EIF4ENIF1: variants seen among roughly 807,000 people sequenced by gnomAD.
The protein encoded by EIF4ENIF1 is eukaryotic translation initiation factor 4E nuclear import factor 1.
In EIF4ENIF1, 23 loss-of-function variants were observed where a neutral mutation model predicts 110.5. That is an observed-to-expected ratio of 0.21 (90% CI 0.15 to 0.29). EIF4ENIF1 has a LOEUF of 0.29. Among genes scored for constraint, EIF4ENIF1 ranks in the 10% least tolerant of loss-of-function variants. The probability of loss-of-function intolerance (pLI) is 1.00; values close to 1 mark genes in which losing one functional copy is unlikely to be tolerated. For missense variants in EIF4ENIF1, 1,031 were observed against 1,221.1 expected (o/e 0.84, Z 2.32); for synonymous variants, 440 against 437.0 (o/e 1.01, Z -0.09).
At chr22:31,477,446 T>C (rs1355527652) in intron 2 of EIF4ENIF1, among the ~76,000 whole-genome samples, 2 of 152,118 alleles carry the variant, frequency 1.3e-5, no homozygotes, top group African/African-American at 2.4e-5. Flanking sequence ...AATATAATCT[T>C]TCCTCTTAGA....
chr22:31,479,693 T>G (rs1220499627), intron 2 of EIF4ENIF1, among the ~76,000 whole-genome samples: 2 of 151,576 alleles, frequency 1.3e-5, no homozygotes, highest in East Asian at 1.9e-4. Context: ...AGGTGTTTTT[T>G]TTTTTTTTTT....
At chr22:31,469,094 T>C (rs1164756453) in intron 3 of EIF4ENIF1, among the ~76,000 whole-genome samples, 1 of 152,174 alleles carries the variant, frequency 6.6e-6, no homozygotes, top group Non-Finnish European at 1.5e-5. Flanking sequence ...CGACCTAAAA[T>C]GTGTAGTTTA....
intron 8 of EIF4ENIF1, 54 bp downstream of exon 8, chr22:31,455,798 T>C (rs2050795684): frequency 6.2e-7 from 1 of 1,607,950 alleles, no homozygotes; most frequent in African/African-American, 1.3e-5. Flanking sequence ...AAATGAACCA[T>C]ATCAGGGAAA....
At chr22:31,467,638 G>T (rs1601616422) in intron 4 of EIF4ENIF1, among the ~76,000 whole-genome samples, 1 of 151,942 alleles carries the variant, frequency 6.6e-6, no homozygotes, top group African/African-American at 2.4e-5. Context: ...GCCTGGCCAA[G>T]ATGGTGAAAC....
At chr22:31,456,247 A>G (rs538111271) in intron 7 of EIF4ENIF1, among the ~76,000 whole-genome samples, 11 of 141,738 alleles carry the variant, frequency 7.8e-5, no homozygotes, top group East Asian at 2.0e-4. Context: ...TTTTTGAGAC[A>G]GAGTCTCGCT....
chr22:31,456,348 T>TG (rs1263867628), intron 7 of EIF4ENIF1, among the ~76,000 whole-genome samples: 1 of 150,600 alleles, frequency 6.6e-6, no homozygotes, highest in African/African-American at 2.4e-5. Flanking sequence ...CTCAGCCTCC[T>TG]GAGTAGCTGG....
chr22:31,448,942 T>C (rs998197667), intron 12 of EIF4ENIF1, among the ~76,000 whole-genome samples: 1 of 152,150 alleles, frequency 6.6e-6, no homozygotes, highest in African/African-American at 2.4e-5. Context: ...AAAAAATCTA[T>C]AACATGAACA....
At chr22:31,449,767 A>G (rs1322615467) in intron 11 of EIF4ENIF1, among the ~76,000 whole-genome samples, 7 of 147,328 alleles carry the variant, frequency 4.8e-5, no homozygotes, top group East Asian at 3.9e-4. Context: ...GTCTCACTCT[A>G]TCACCCAGGC....
chr22:31,448,240 G>A lies in EIF4ENIF1; in HGVS notation c.1769-8C>T, dbSNP rs749771750. The A allele has an allele frequency of 2.5e-6, 4 of 1,613,922 alleles. No individual in the cohort carries two copies. The highest frequency in any genetic ancestry group is 3.3e-5 in the Admixed American group (2 of 60,000). On this transcript the variant is annotated splice_polypyrimidine_tract_variant and splice_region_variant and intron_variant, in intron 12 of 18. Coordinates refer to ENST00000330125, the MANE Select transcript of EIF4ENIF1 (RefSeq NM_019843.4). ...GTGGTCCTGGTGTGAAACCTGTCGG[G>A]AAAGTTAGTCTCAGTGAGTACCAAG... is the stretch of plus-strand genomic sequence containing the variant.
intron 11 of EIF4ENIF1, 31 bp from the exon 12 acceptor site, chr22:31,449,562 C>T: frequency 1.3e-6 from 2 of 1,592,768 alleles, no homozygotes; most frequent in South Asian, 2.3e-5. Flanking sequence ...TCCCTGTGAA[C>T]TTAGTTATTC....
intron 6 of EIF4ENIF1, among the ~76,000 whole-genome samples, chr22:31,458,860 T>C (rs5753625): frequency 0.36 from 54,273 of 150,930 alleles, 11,162 homozygotes; most frequent in East Asian, 0.87. Context: ...AGAATACCAA[T>C]GGGATGTGGG....
chr22:31,486,280 A>C lies in EIF4ENIF1; in HGVS notation c.96+2343T>G, dbSNP rs5749284. ...AGCGAAACTCCGTCTCAAAAAAAAAAAAATAAAAATAAAAATAAAAATACA... is the reference window on the plus strand; with the variant it reads ...AGCGAAACTCCGTCTCAAAAAAAAACAAATAAAAATAAAAATAAAAATACA... On this transcript the variant is annotated intron_variant, in intron 2 of 18. Coordinates refer to ENST00000330125, the MANE Select transcript of EIF4ENIF1 (RefSeq NM_019843.4). Among the ~76,000 whole-genome samples the C allele has an allele frequency of 1.7e-5, 2 of 120,232 alleles. 1 individual carries two copies. The highest frequency in any genetic ancestry group is 6.1e-4 in the South Asian group (2 of 3,278). 78.9% of individuals were successfully genotyped at this position (120,232 alleles called of 152,430 possible).
At chr22:31,447,019 AGG>A (rs911567286) in intron 14 of EIF4ENIF1, 7 of 468,004 alleles carry the variant, frequency 1.5e-5, no homozygotes, top group African/African-American at 1.4e-4. Flanking sequence ...CTGTGGGGAA[AGG>A]AATAAGGAGC....
intron 6 of EIF4ENIF1, among the ~76,000 whole-genome samples, chr22:31,459,262 TA>T (rs373253004): frequency 7.9e-5 from 12 of 151,608 alleles, no homozygotes; most frequent in African/African-American, 2.7e-4. Flanking sequence ...ATTTTTTTTT[TA>T]AAGGATAGTC....
chr22:31,449,375 G>T lies in EIF4ENIF1; in HGVS notation c.1741C>A (p.Leu581Ile). 1 of 1,613,830 alleles carries T rather than the reference G, an allele frequency of 6.2e-7. No homozygotes were observed. The highest frequency in any genetic ancestry group is 8.5e-7 in the Non-Finnish European group (1 of 1,179,946). Residue 581 changes from leucine to isoleucine, a missense_variant, in exon 12 of 19, where the codon CTT becomes ATT. Leu to Ile is a conservative substitution (Grantham distance 5). Transcript: ENST00000330125. ...ATTGGTGATGGTATTCTTGGGCGAA[G>T]GTAGTCAGCTGAGGCTGCTCGAGTT... Reference protein sequence around the residue: ...FQTRAASADYLRPRIPSPIGF... With the variant: ...FQTRAASADYIRPRIPSPIGF...
At chr22:31,465,834 T>C (rs1225004652) in intron 4 of EIF4ENIF1, among the ~76,000 whole-genome samples, 1 of 152,172 alleles carries the variant, frequency 6.6e-6, no homozygotes, top group Non-Finnish European at 1.5e-5. Flanking sequence ...TATTAAGCAA[T>C]GAAAATAAAC....
At chr22:31,482,897 G>A (rs191921033) in intron 2 of EIF4ENIF1, among the ~76,000 whole-genome samples, 75 of 151,026 alleles carry the variant, frequency 5.0e-4, no homozygotes, top group Non-Finnish European at 9.2e-4. Context: ...GGAGGCACGC[G>A]CCTGTAGTCC....
rs1346915475 is a variant in EIF4ENIF1 at position 31,458,479 on chromosome 22, G to T, written c.959C>A (p.Ala320Asp). The change falls in exon 7 of 19, where the codon GCT (alanine) becomes GAT (aspartate). Residue 320 changes from alanine (A) to aspartate (D), a missense_variant. By Grantham distance (126) the Ala-to-Asp change is moderately radical. Around this residue, in one of 3 missense-constraint regions of EIF4ENIF1, gnomAD observed 704 missense variants for 879.7 expected, o/e 0.80. Transcript: ENST00000330125. ...FFNLDKVPCLASMIEDVLGEG... is the reference protein window; with the variant it reads ...FFNLDKVPCLDSMIEDVLGEG... ...TAAGTGTGCTGCTACACTCACCGAA[G>T]CCAAGCATGGCACCTTATCAAGGTT... 6.3e-7 allele frequency: 1 copy of T among 1,587,658 alleles called. No homozygotes were observed. The highest frequency in any genetic ancestry group is 8.6e-7 in the Non-Finnish European group (1 of 1,161,738).
intron 2 of EIF4ENIF1, among the ~76,000 whole-genome samples, chr22:31,476,339 C>G (rs1227295097): frequency 6.6e-6 from 1 of 152,158 alleles, no homozygotes; most frequent in East Asian, 1.9e-4. Context: ...TTCTCAATTA[C>G]CACTACAGCT....
Sources: allele counts gnomAD v4.1 joint callset (sites outside exome capture counted in the v4.1 genomes callset), GRCh38; gene constraint gnomAD v4.1.1; regional missense constraint gnomAD v4.1.1; transcripts MANE v1.5; gene names NCBI Gene and HGNC (gene_info 2026-07-23, HGNC 2026-07-21).